Variants in MSANTD3 observed in about 807,000 individuals in gnomAD.
The protein encoded by MSANTD3 is myb/SANT-like DNA-binding domain-containing protein 3.
A neutral mutation model predicts 27.7 loss-of-function variants in MSANTD3; 11 were observed. The observed-to-expected ratio is 0.40, with a 90% CI of 0.25 to 0.66. The LOEUF is 0.66. Among genes scored for constraint, MSANTD3 ranks in the 30% least tolerant of loss-of-function variants. The pLI is 0.41. For synonymous variants in MSANTD3, 131 were observed against 127.2 expected (o/e 1.03, Z -0.20); for missense variants, 250 against 336.5 (o/e 0.74, Z 2.01).
At chr9:100,436,665 G>GT (rs1193359367) in intron 1 of MSANTD3, among the ~76,000 whole-genome samples, 1 of 152,126 alleles carries the variant, frequency 6.6e-6, no homozygotes, top group Non-Finnish European at 1.5e-5. Flanking sequence ...TAGCCTCAAA[G>GT]TTTCTATTAA....
At chr9:100,449,366 GTAAT>G (rs1254568991) in intron 2 of MSANTD3, among the ~76,000 whole-genome samples, 3 of 152,150 alleles carry the variant, frequency 2.0e-5, no homozygotes, top group Admixed American at 2.0e-4. Context: ...ACCAAACAAA[GTAAT>G]TAGTGCCCAA....
intron 2 of MSANTD3, 69 bp from the exon 3 acceptor site, chr9:100,450,488 T>C (rs1280374893): frequency 5.0e-6 from 7 of 1,390,340 alleles, no homozygotes; most frequent in Non-Finnish European, 6.8e-6. Flanking sequence ...TCATTTGAAA[T>C]AGGATTGGTT....
At chr9:100,439,210 G>A (rs542524551) in intron 1 of MSANTD3, among the ~76,000 whole-genome samples, 6 of 152,230 alleles carry the variant, frequency 3.9e-5, no homozygotes, top group African/African-American at 1.4e-4. Flanking sequence ...CAATTTGAAG[G>A]GTCTCTGATC....
chr9:100,430,373 T>C (rs981531267), intron 1 of MSANTD3, among the ~76,000 whole-genome samples: 1 of 149,324 alleles, frequency 6.7e-6, no homozygotes, highest in East Asian at 1.9e-4. Flanking sequence ...TTGGTGGCCT[T>C]GGGGTAAAGG....
chr9:100,431,063 C>T (rs1357945472), intron 1 of MSANTD3, among the ~76,000 whole-genome samples: 19 of 151,368 alleles, frequency 1.3e-4, no homozygotes, highest in Admixed American at 4.0e-4. Flanking sequence ...AGTGCAACGG[C>T]GCAATCTCGG....
chr9:100,433,821 G>A (rs1225723809), intron 1 of MSANTD3, among the ~76,000 whole-genome samples: 2 of 152,248 alleles, frequency 1.3e-5, no homozygotes, highest in East Asian at 1.9e-4. Context: ...GGGCTGCCAC[G>A]TGTCCTTCAG....
chr9:100,427,237 GCCGGCCGGGGGCGCGCCGCCGC>G lies in MSANTD3; in HGVS notation c.-188_-167del, dbSNP rs1836264330. 1 of 145,622 alleles carries G rather than the reference GCCGGCCGGGGGCGCGCCGCCGC, an allele frequency of 6.9e-6. No homozygotes were observed. The highest frequency in any genetic ancestry group is 2.0e-4 in the East Asian group (1 of 4,982). The allele number at this position is 145,622 out of a possible 1,614,324, so 9.0% of individuals were successfully genotyped here. A position where few individuals can be genotyped will look rare whatever the true frequency, so the allele number is the denominator to read the frequency against. On this transcript the variant is annotated 5_prime_UTR_variant, in exon 1 of 3. Coordinates refer to ENST00000395067, the MANE Select transcript of MSANTD3 (RefSeq NM_080655.3). ...GCCGCGGCGCGCGCGGCGGGGCCTG[GCCGGCCGGGGGCGCGCCGCCGC>G]CGCCGCCGCCGCCCGGCGTTCGGGA... is the stretch of plus-strand genomic sequence containing the variant.
At chr9:100,436,058 C>A (rs1470512827) in intron 1 of MSANTD3, among the ~76,000 whole-genome samples, 1 of 152,210 alleles carries the variant, frequency 6.6e-6, no homozygotes, top group East Asian at 1.9e-4. Flanking sequence ...TTAGGCCTAT[C>A]TATGGGTCTT....
At chr9:100,440,845 G>A (rs1355731389) in intron 1 of MSANTD3, among the ~76,000 whole-genome samples, 1 of 119,572 alleles carries the variant, frequency 8.4e-6, no homozygotes, top group Non-Finnish European at 1.6e-5. Context: ...TGCTAGTCTC[G>A]AACTCCTGGG....
Position 100,445,427 on chromosome 9 carries a change from A to G in MSANTD3, c.418+3071A>G, listed in dbSNP as rs141088731. ...GATGTGCTATAATTGTGCACACCAC[A>G]TTTTGAAGACTTAGTACCTAAAAAT... is the stretch of plus-strand genomic sequence containing the variant. On this transcript the variant is annotated intron_variant, in intron 2 of 2. Coordinates refer to ENST00000395067, the MANE Select transcript of MSANTD3 (RefSeq NM_080655.3). Among the ~76,000 whole-genome samples the G allele has an allele frequency of 1.6e-4, 25 of 152,338 alleles. No homozygotes were observed. In the East Asian group the frequency reaches 4.6e-3, roughly 28 times the overall value.
At chr9:100,428,448 C>T (rs1453865266) in intron 1 of MSANTD3, among the ~76,000 whole-genome samples, 1 of 152,034 alleles carries the variant, frequency 6.6e-6, no homozygotes, top group Non-Finnish European at 1.5e-5. Context: ...CAGAGAGAGA[C>T]ATGGGATGGA....
At chr9:100,428,702 T>A (rs1257969804) in intron 1 of MSANTD3, among the ~76,000 whole-genome samples, 1 of 152,172 alleles carries the variant, frequency 6.6e-6, no homozygotes. Flanking sequence ...CCTCCTAAAA[T>A]GCCATTATCC....
At chr9:100,440,250 G>T (rs1836577622) in intron 1 of MSANTD3, among the ~76,000 whole-genome samples, 1 of 152,142 alleles carries the variant, frequency 6.6e-6, no homozygotes, top group Non-Finnish European at 1.5e-5. Context: ...CCGAGAAACA[G>T]CTGTGGAATG....
intron 2 of MSANTD3, among the ~76,000 whole-genome samples, chr9:100,447,028 ATAT>A (rs1404350097): frequency 6.6e-6 from 1 of 151,872 alleles, no homozygotes; most frequent in African/African-American, 2.4e-5. Context: ...TTTCCTGCTG[ATAT>A]TAAACTTACT....
intron 2 of MSANTD3, among the ~76,000 whole-genome samples, chr9:100,445,915 C>CA (rs1836741893): frequency 6.6e-6 from 1 of 152,030 alleles, no homozygotes; most frequent in Non-Finnish European, 1.5e-5. Flanking sequence ...TGATATTTGC[C>CA]AAAAAACCCC....
chr9:100,441,949 A>G lies in MSANTD3; in HGVS notation c.11A>G (p.Asn4Ser), dbSNP rs1045989031. Residue 4 changes from asparagine (N) to serine (S), a missense_variant, in exon 2 of 3, where the codon AAC (asparagine) becomes AGC (serine). By Grantham distance (46) the Asn-to-Ser change is conservative. Around this residue, in one of 3 missense-constraint regions of MSANTD3, gnomAD observed 13 missense variants for 16.7 expected, o/e 0.78. Transcript: ENST00000395067. ...GAAATACAGTGGAAAATGCAAAACAACGAAATTATAAAGCCTGCCAAATAC... is the reference window on the plus strand; with the variant it reads ...GAAATACAGTGGAAAATGCAAAACAGCGAAATTATAAAGCCTGCCAAATAC... The part of the protein sequence containing the change: MQN[N>S]EIIKPAKYFS... 1 of 1,605,442 alleles carries G rather than the reference A, an allele frequency of 6.2e-7. No individual in the cohort carries two copies.
chr9:100,445,128 T>C (rs1323380608), intron 2 of MSANTD3: 2 of 1,302,404 alleles, frequency 1.5e-6, no homozygotes, highest in Non-Finnish European at 2.2e-6. Flanking sequence ...TTCTATACAG[T>C]AAAACAACTT....
intron 2 of MSANTD3, chr9:100,448,538 C>T (rs1380253860): frequency 8.1e-6 from 8 of 985,252 alleles, no homozygotes; most frequent in Non-Finnish European, 7.2e-6. Context: ...CATGGTTGGG[C>T]GTGTTGGGAG....
At chr9:100,448,993 GT>G (rs1564252437) in intron 2 of MSANTD3, 1 of 985,280 alleles carries the variant, frequency 1.0e-6, no homozygotes, top group Non-Finnish European at 1.2e-6. Flanking sequence ...TATGAGTTAG[GT>G]TTCCCCCAGT....
Sources: gnomAD v4.1 joint callset for allele counts (sites outside exome capture counted in the v4.1 genomes callset) on GRCh38, gnomAD v4.1.1 for gene constraint, gnomAD v4.1.1 regional missense constraint, MANE v1.5 for transcripts, NCBI Gene and HGNC (gene_info 2026-07-23, HGNC 2026-07-21) for gene names.